IGF2BP3: variants seen among roughly 807,000 people sequenced by gnomAD.
IGF2BP3 encodes insulin-like growth factor 2 mRNA-binding protein 3.
Under a neutral mutation model 73.8 loss-of-function variants are expected in IGF2BP3, and 9 were observed. The observed-to-expected ratio is 0.12, with a 90% CI of 0.07 to 0.21. The LOEUF is 0.21. Among genes scored for constraint, IGF2BP3 ranks in the 10% least tolerant of loss-of-function variants. IGF2BP3 has a pLI of 1.00. For synonymous variants in IGF2BP3, 258 were observed against 256.7 expected (o/e 1.01, Z -0.05); for missense variants, 542 against 714.0 (o/e 0.76, Z 2.75).
chr7:23,406,088 A>G (rs1054880603), intron 3 of IGF2BP3, among the ~76,000 whole-genome samples: 3 of 151,968 alleles, frequency 2.0e-5, no homozygotes, highest in African/African-American at 7.2e-5. Flanking sequence ...AAAAAGAAAG[A>G]AAAATTGTCT....
chr7:23,387,541 AT>A (rs201192235), intron 3 of IGF2BP3, among the ~76,000 whole-genome samples: 1 of 79,212 alleles, frequency 1.3e-5, no homozygotes, highest in African/African-American at 3.8e-4. Context: ...TCAAGTATTA[AT>A]GTTAATAACA....
intron 7 of IGF2BP3, among the ~76,000 whole-genome samples, chr7:23,346,546 CTG>C (rs1784831693): frequency 6.6e-6 from 1 of 151,768 alleles, no homozygotes; most frequent in African/African-American, 2.4e-5. Context: ...ATATATAAAA[CTG>C]TTTAAAATGT....
chr7:23,404,528 T>C (rs1191239118), intron 3 of IGF2BP3, among the ~76,000 whole-genome samples: 2 of 152,092 alleles, frequency 1.3e-5, no homozygotes. Context: ...CACCCTCAAT[T>C]CAACCAACAC....
chr7:23,459,303 G>C (rs1788389292), intron 2 of IGF2BP3, among the ~76,000 whole-genome samples: 1 of 152,092 alleles, frequency 6.6e-6, no homozygotes, highest in Non-Finnish European at 1.5e-5. Flanking sequence ...ACTTTACCAA[G>C]GACCAGATTT....
Position 23,468,505 on chromosome 7 carries a change from C to A in IGF2BP3, c.213G>T (p.Glu71Asp). ...IELHGKPIEVEHSVPKRQRIR... is the reference protein window; with the variant it reads ...IELHGKPIEVDHSVPKRQRIR... ...ACCTTTGCCTTTTTGGGACCGAGTG[C>A]TCAACTTCTATGGGTTTCCCGTGCA... The change falls in exon 2 of 15, where the codon GAG becomes GAT. Residue 71 changes from glutamate to aspartate, a missense_variant. Coordinates refer to ENST00000258729, the MANE Select transcript of IGF2BP3 (RefSeq NM_006547.3). The A allele has an allele frequency of 1.9e-6, 3 of 1,614,240 alleles. No homozygotes were observed. Among genetic ancestry groups the A allele is most frequent in the Non-Finnish European group, 2.5e-6 (3 of 1,180,036 alleles).
chr7:23,440,217 C>T (rs980018158), intron 2 of IGF2BP3, among the ~76,000 whole-genome samples: 3 of 151,138 alleles, frequency 2.0e-5, no homozygotes, highest in African/African-American at 2.4e-5. Context: ...GAGCCAAGAT[C>T]GTGCCACTGC....
chr7:23,318,648 G>C (rs1223850569), intron 11 of IGF2BP3, among the ~76,000 whole-genome samples: 1 of 152,196 alleles, frequency 6.6e-6, no homozygotes, highest in Non-Finnish European at 1.5e-5. Flanking sequence ...AAAATGTTTA[G>C]CTGACTGTGC....
chr7:23,397,412 G>C (rs1786511301), intron 3 of IGF2BP3, among the ~76,000 whole-genome samples: 1 of 152,232 alleles, frequency 6.6e-6, no homozygotes, highest in Non-Finnish European at 1.5e-5. Flanking sequence ...TCAAGCCTGA[G>C]ACAGGAGCCA....
intron 2 of IGF2BP3, among the ~76,000 whole-genome samples, chr7:23,452,909 C>T (rs1365930271): frequency 6.6e-6 from 1 of 151,736 alleles, no homozygotes; most frequent in African/African-American, 2.4e-5. Flanking sequence ...GTCAGGAGAT[C>T]GAGACCATCC....
At chr7:23,325,631 A>G (rs1218465654) in intron 10 of IGF2BP3, among the ~76,000 whole-genome samples, 4 of 152,234 alleles carry the variant, frequency 2.6e-5, no homozygotes, top group Non-Finnish European at 5.9e-5. Flanking sequence ...CCTAAGCCAA[A>G]AGAACAAAGC....
chr7:23,396,209 A>T (rs1562725113), intron 3 of IGF2BP3, among the ~76,000 whole-genome samples: 2 of 152,040 alleles, frequency 1.3e-5, no homozygotes, highest in African/African-American at 4.8e-5. Flanking sequence ...CTGGTGGGAG[A>T]AACAGACACA....
chr7:23,416,326 T>G (rs745699364), intron 3 of IGF2BP3: 1 of 152,254 alleles, frequency 6.6e-6, no homozygotes, highest in African/African-American at 2.4e-5. Flanking sequence ...GAACTTACTA[T>G]AGTGCTTTTT....
chr7:23,396,456 A>G lies in IGF2BP3; in HGVS notation c.285+22320T>C, dbSNP rs77403771. 6.9e-3 allele frequency: 1,265 copies of G among 184,590 alleles called. 22 individuals carry two copies. The highest frequency in any genetic ancestry group is 0.065 in the East Asian group (448 of 6,908). 11.4% of individuals were successfully genotyped at this position (184,590 alleles called of 1,614,324 possible). A position where few individuals can be genotyped will look rare whatever the true frequency, so the allele number is the denominator to read the frequency against. ...ACACAATGCTAAGTCAAATAATGAA[A>G]TCACCCAAAATAGCTGGAATTACTG... On this transcript the variant is annotated intron_variant, in intron 3 of 14. Transcript: ENST00000258729.
At chr7:23,394,469 C>T (rs1174257068) in intron 3 of IGF2BP3, 1 of 152,270 alleles carries the variant, frequency 6.6e-6, no homozygotes, top group East Asian at 1.9e-4. Context: ...TCTGTCTCCC[C>T]TGCGCCTACC....
chr7:23,418,909 T>G (rs377724090), intron 2 of IGF2BP3, 85 bp from the exon 3 acceptor site: 3 of 830,594 alleles, frequency 3.6e-6, no homozygotes, highest in South Asian at 1.7e-5. Flanking sequence ...AGAAACTACT[T>G]AAAATATTAA....
intron 3 of IGF2BP3, among the ~76,000 whole-genome samples, chr7:23,371,560 C>T (rs1385722448): frequency 2.0e-5 from 3 of 152,206 alleles, no homozygotes; most frequent in Admixed American, 6.5e-5. Context: ...AATGTTAGCA[C>T]CGTAATTACT....
intron 3 of IGF2BP3, among the ~76,000 whole-genome samples, chr7:23,400,236 A>T (rs1230505180): frequency 2.6e-5 from 4 of 152,224 alleles, no homozygotes; most frequent in African/African-American, 9.6e-5. Flanking sequence ...AATGCATCTA[A>T]GATTATCTGA....
chr7:23,443,604 G>A (rs983709151), intron 2 of IGF2BP3, among the ~76,000 whole-genome samples: 1 of 152,180 alleles, frequency 6.6e-6, no homozygotes, highest in East Asian at 1.9e-4. Context: ...CTGGAAGGCA[G>A]AGGTTGCAGT....
intron 10 of IGF2BP3, among the ~76,000 whole-genome samples, chr7:23,322,273 T>C (rs1583882149): frequency 6.6e-6 from 1 of 152,158 alleles, no homozygotes; most frequent in Non-Finnish European, 1.5e-5. Context: ...ACGTGAAGAA[T>C]GCAGAAGCCT....
Sources: allele counts gnomAD v4.1 joint callset (sites outside exome capture counted in the v4.1 genomes callset), GRCh38; gene constraint gnomAD v4.1.1; transcripts MANE v1.5; gene names NCBI Gene and HGNC (gene_info 2026-07-23, HGNC 2026-07-21).